The following CACNG3 variants were observed in gnomAD, a reference collection of about 807,000 sequenced individuals.
The protein encoded by CACNG3 is voltage-dependent calcium channel gamma-3 subunit.
Under a neutral mutation model 28.5 loss-of-function variants are expected in CACNG3, and 3 were observed. The ratio of observed to expected loss-of-function variants is 0.11; its 90% confidence interval spans 0.05 to 0.27. The LOEUF (loss-of-function observed/expected upper bound fraction) is 0.27. CACNG3 is among the 10% of genes least tolerant of loss of function. The pLI is 1.00. For synonymous variants in CACNG3, 174 were observed against 162.2 expected, an observed-to-expected ratio of 1.07 and a Z score of -0.55; for missense variants, 236 against 414.4, an observed-to-expected ratio of 0.57 and a Z score of 3.74.
At chr16:24,352,660 C>T (rs1423882439) in intron 2 of CACNG3, among the ~76,000 whole-genome samples, 1 of 152,088 alleles carries the variant, frequency 6.6e-6, no homozygotes, top group Non-Finnish European at 1.5e-5. Flanking sequence ...TACCTCAGCA[C>T]CCCCAAGCAG....
At chr16:24,333,784 G>A (rs1899664761) in intron 1 of CACNG3, among the ~76,000 whole-genome samples, 1 of 152,190 alleles carries the variant, frequency 6.6e-6, no homozygotes, top group South Asian at 2.1e-4. Context: ...TGAGGCTGCA[G>A]TGAGCTATGA....
chr16:24,310,568 A>C (rs1450919563), intron 1 of CACNG3, among the ~76,000 whole-genome samples: 3 of 151,848 alleles, frequency 2.0e-5, no homozygotes, highest in Non-Finnish European at 4.4e-5. Flanking sequence ...CATCTCAAAA[A>C]CAAACAAACA....
rs1386697483 is a variant in CACNG3, at chr16:24,265,405, AAAGAAAG to A, written c.211+8451_211+8457del. 8.9e-5 allele frequency among the ~76,000 whole-genome samples: 13 copies of A among 146,566 alleles called. No individual in the cohort carries two copies. In the East Asian group the frequency reaches 1.4e-3, roughly 16 times the overall value. On this transcript the variant is annotated intron_variant, in intron 1 of 3. Transcript: ENST00000005284. ...AAGAAAAGAAAGAAGAAAGAAAGAA[AAAGAAAG>A]AAGAAAGAAGGAAGGAAGGAGAGAG...
chr16:24,328,517 GT>G (rs1899588488), intron 1 of CACNG3, among the ~76,000 whole-genome samples: 1 of 151,600 alleles, frequency 6.6e-6, no homozygotes, highest in South Asian at 2.1e-4. Flanking sequence ...AGCACCTACT[GT>G]GTATCAGATT....
chr16:24,308,783 T>C (rs1480557893), intron 1 of CACNG3, among the ~76,000 whole-genome samples: 1 of 128,752 alleles, frequency 7.8e-6, no homozygotes, highest in Non-Finnish European at 1.5e-5. Context: ...AAAGCTGCAG[T>C]GAGTGCTGAT....
intron 1 of CACNG3, among the ~76,000 whole-genome samples, chr16:24,292,050 A>G (rs753903564): frequency 4.6e-5 from 7 of 152,110 alleles, no homozygotes; most frequent in Non-Finnish European, 1.0e-4. Context: ...TGACGAGGTA[A>G]GAACGTTAGG....
intron 1 of CACNG3, among the ~76,000 whole-genome samples, chr16:24,284,548 G>T (rs910288693): frequency 1.3e-5 from 2 of 152,032 alleles, no homozygotes; most frequent in Non-Finnish European, 2.9e-5. Context: ...TATAATTGGT[G>T]TCATTTCTTC....
chr16:24,278,738 A>G (rs1220470769), intron 1 of CACNG3, among the ~76,000 whole-genome samples: 1 of 152,204 alleles, frequency 6.6e-6, no homozygotes, highest in African/African-American at 2.4e-5. Context: ...TCATATCTCC[A>G]TTTCACAGAT....
At chr16:24,312,924 A>AAGG (rs1567216058) in intron 1 of CACNG3, among the ~76,000 whole-genome samples, 11 of 43,286 alleles carry the variant, frequency 2.5e-4, no homozygotes, top group African/African-American at 5.2e-4. Context: ...AGGAAGGAAG[A>AAGG]AAGAAAGAAA....
At chr16:24,289,606 C>T (rs941399323) in intron 1 of CACNG3, among the ~76,000 whole-genome samples, 1 of 152,166 alleles carries the variant, frequency 6.6e-6, no homozygotes. Context: ...GCCTGGGTCT[C>T]CATCCCCATT....
intron 1 of CACNG3, chr16:24,333,299 A>C (rs143328667): frequency 7.2e-5 from 11 of 152,318 alleles, no homozygotes; most frequent in Non-Finnish European, 2.9e-5. Flanking sequence ...GTTTTCCTGA[A>C]TTATAATTTC....
At chr16:24,312,326 A>C (rs566833629) in intron 1 of CACNG3, among the ~76,000 whole-genome samples, 26 of 152,266 alleles carry the variant, frequency 1.7e-4, no homozygotes, top group Non-Finnish European at 2.9e-5. Context: ...GATTTGGTGA[A>C]TTGCATAATG....
rs146187964 is a variant in CACNG3 at position 24,303,992 on chromosome 16, T to G, written c.212-42742T>G. ...GGCTGTGGTGGGATGAGCCCAGGAG[T>G]TCAAGTCCAGCCTTGGCAACATAGA... On this transcript the variant is annotated intron_variant, in intron 1 of 3. Coordinates refer to ENST00000005284, the MANE Select transcript of CACNG3 (RefSeq NM_006539.4). Among the ~76,000 whole-genome samples the G allele has an allele frequency of 2.0e-5, 3 of 151,954 alleles. No individual in the cohort carries two copies. In the East Asian group the frequency reaches 5.8e-4, roughly 29 times the overall value.
At chr16:24,347,679 T>C (rs1320902912) in intron 2 of CACNG3, among the ~76,000 whole-genome samples, 1 of 152,216 alleles carries the variant, frequency 6.6e-6, no homozygotes, top group African/African-American at 2.4e-5. Context: ...CCAATGTCTC[T>C]GTAGGATTTT....
chr16:24,330,891 C>A (rs972023587), intron 1 of CACNG3, among the ~76,000 whole-genome samples: 6 of 152,226 alleles, frequency 3.9e-5, no homozygotes, highest in Non-Finnish European at 7.3e-5. Flanking sequence ...CCTACCCTCA[C>A]AGATCTCCAG....
chr16:24,346,679 G>A, intron 1 of CACNG3, 55 bp from the exon 2 acceptor site: 1 of 1,339,304 alleles, frequency 7.5e-7, no homozygotes, highest in Non-Finnish European at 1.1e-6. Flanking sequence ...ACCCAGGCTG[G>A]CCCCCAGAGC....
Position 24,326,687 on chromosome 16 carries a change from T to C in CACNG3, c.212-20047T>C, listed in dbSNP as rs1394181346. Among the ~76,000 whole-genome samples, 3 of 152,132 alleles carry C rather than the reference T, an allele frequency of 2.0e-5. No homozygotes were observed. The East Asian group carries it at 5.8e-4, about 29-fold the overall frequency. On this transcript the variant is annotated intron_variant, in intron 1 of 3. Coordinates refer to ENST00000005284, the MANE Select transcript of CACNG3 (RefSeq NM_006539.4). Reference sequence around the variant, plus strand: ...GCCAGGACTGAATCACATGCCCACTTCTGAAACTGACAATGGAGTCACCCT... The same window carrying C: ...GCCAGGACTGAATCACATGCCCACTCCTGAAACTGACAATGGAGTCACCCT...
At chr16:24,351,662 G>GAAAT (rs1265592423) in intron 2 of CACNG3, among the ~76,000 whole-genome samples, 9 of 21,692 alleles carry the variant, frequency 4.1e-4, no homozygotes, top group African/African-American at 2.4e-3. Flanking sequence ...AAAGACAGAC[G>GAAAT]AAAGAAAGAA....
chr16:24,283,297 C>G (rs111378144), intron 1 of CACNG3, among the ~76,000 whole-genome samples: 1 of 152,096 alleles, frequency 6.6e-6, no homozygotes, highest in Non-Finnish European at 1.5e-5. Context: ...TGGGAATGAT[C>G]GACATCTTTA....
Sources: gnomAD v4.1 joint callset for allele counts (sites outside exome capture counted in the v4.1 genomes callset) on GRCh38, gnomAD v4.1.1 for gene constraint, MANE v1.5 for transcripts, NCBI Gene and HGNC (gene_info 2026-07-23, HGNC 2026-07-21) for gene names.